KCNIP1: variants seen among roughly 807,000 people sequenced by gnomAD.
The protein encoded by KCNIP1 is potassium voltage-gated channel interacting protein 1.
A neutral mutation model predicts 33.0 loss-of-function variants in KCNIP1; 18 were observed. That is an observed-to-expected ratio of 0.55 (90% CI 0.38 to 0.81). The LOEUF (loss-of-function observed/expected upper bound fraction) is 0.81. KCNIP1 is among the 30% of genes least tolerant of loss of function. The pLI is 0.00. For missense variants in KCNIP1, 238 were observed against 271.6 expected (o/e 0.88, Z 0.87); for synonymous variants, 93 against 98.3 (o/e 0.95, Z 0.32).
intron 1 of KCNIP1, among the ~76,000 whole-genome samples, chr5:170,482,533 G>A (rs1756999982): frequency 6.6e-6 from 1 of 152,152 alleles, no homozygotes; most frequent in African/African-American, 2.4e-5. Flanking sequence ...AGTAACTGAA[G>A]TGATTTCTCT....
At chr5:170,575,150 T>G (rs912460586) in intron 1 of KCNIP1, among the ~76,000 whole-genome samples, 1 of 152,244 alleles carries the variant, frequency 6.6e-6, no homozygotes, top group East Asian at 1.9e-4. Context: ...AACCTCACAT[T>G]AAACTAATGT....
chr5:170,371,256 T>C lies in KCNIP1; in HGVS notation c.88+17292T>C, dbSNP rs1285521315. Among the ~76,000 whole-genome samples the C allele has an allele frequency of 2.0e-5, 3 of 152,134 alleles. No homozygotes were observed. The East Asian group carries it at 5.8e-4, about 29-fold the overall frequency. On this transcript the variant is annotated intron_variant, in intron 1 of 7. Transcript: ENST00000377360. ...CCAGCTGGCCTCGTGGTCCTGTCTGTCTTGGCAGTGCCCACAGCAGAACCT... is the reference window on the plus strand; with the variant it reads ...CCAGCTGGCCTCGTGGTCCTGTCTGCCTTGGCAGTGCCCACAGCAGAACCT...
chr5:170,382,399 C>T (rs1764278383), intron 1 of KCNIP1, among the ~76,000 whole-genome samples: 1 of 152,136 alleles, frequency 6.6e-6, no homozygotes, highest in Admixed American at 6.5e-5. Flanking sequence ...GACATACACA[C>T]TCACATTTTA....
rs1755185791 is a variant in KCNIP1 at position 170,517,675 on chromosome 5, TG to T, written c.61+13043del. Among the ~76,000 whole-genome samples, 3 of 151,448 alleles carry T rather than the reference TG, an allele frequency of 2.0e-5. No individual in the cohort carries two copies. In the South Asian group the frequency reaches 6.3e-4, roughly 32 times the overall value. ...GATGGTGGTATGGTGGTGGTGGTGA[TG>T]ATAGTGACGGTGGTGATGATGGTGA... is the stretch of plus-strand genomic sequence containing the variant. On this transcript the variant is annotated intron_variant, in intron 1 of 7. Coordinates refer to ENST00000328939, the MANE Select transcript of KCNIP1 (RefSeq NM_014592.4).
intron 1 of KCNIP1, among the ~76,000 whole-genome samples, chr5:170,645,045 C>A (rs918477294): frequency 2.0e-4 from 30 of 152,158 alleles, no homozygotes; most frequent in African/African-American, 5.6e-4. Flanking sequence ...AGCATAAGCA[C>A]CCTTGTTGGT....
chr5:170,433,059 TCAATCCAGACACA>T (rs56681939), intron 1 of KCNIP1, among the ~76,000 whole-genome samples: 121 of 152,318 alleles, frequency 7.9e-4, no homozygotes, highest in African/African-American at 2.8e-3. Flanking sequence ...TCCATGGCTC[TCAATCCAGACACA>T]CAATTTGAAC....
chr5:170,507,724 G>A (rs1173122040), intron 1 of KCNIP1, among the ~76,000 whole-genome samples: 4 of 152,190 alleles, frequency 2.6e-5, no homozygotes, highest in African/African-American at 9.7e-5. Context: ...CATGATTAGT[G>A]CTGCAAGAAG....
intron 1 of KCNIP1, among the ~76,000 whole-genome samples, chr5:170,452,459 G>A (rs759287675): frequency 1.3e-5 from 2 of 152,120 alleles, no homozygotes; most frequent in Non-Finnish European, 2.9e-5. Context: ...ATGAGGGCTG[G>A]GGCCTCATAA....
chr5:170,662,576 G>C (rs1056249649), intron 1 of KCNIP1, among the ~76,000 whole-genome samples: 2 of 152,174 alleles, frequency 1.3e-5, no homozygotes, highest in African/African-American at 2.4e-5. Context: ...GAGTGGAGGA[G>C]AGCCAGAAGC....
chr5:170,631,006 G>T (rs1332444714), intron 1 of KCNIP1, among the ~76,000 whole-genome samples: 2 of 152,174 alleles, frequency 1.3e-5, no homozygotes, highest in African/African-American at 4.8e-5. Context: ...AGGAATAAGG[G>T]TACGAGGCTT....
chr5:170,675,711 C>G (rs1762107941), intron 1 of KCNIP1, among the ~76,000 whole-genome samples: 1 of 152,178 alleles, frequency 6.6e-6, no homozygotes, highest in Non-Finnish European at 1.5e-5. Flanking sequence ...CTGTGCAGAG[C>G]CCAGCACAGT....
chr5:170,374,984 G>A (rs1009529382), intron 1 of KCNIP1: 1 of 152,162 alleles, frequency 6.6e-6, no homozygotes, highest in East Asian at 1.9e-4. Flanking sequence ...TTCCCCTGCA[G>A]GGATTGTTTG....
intron 1 of KCNIP1, among the ~76,000 whole-genome samples, chr5:170,669,979 A>G (rs1158632836): frequency 6.6e-6 from 1 of 152,220 alleles, no homozygotes; most frequent in Non-Finnish European, 1.5e-5. Context: ...ATAATGGACC[A>G]ATTAAACCAG....
Position 170,721,220 on chromosome 5 carries a change from C to T in KCNIP1, c.257-613C>T, listed in dbSNP as rs113393390. ...CCTTCCTTGGTGTGTGGGGCCCCTA[C>T]CCAGATCAGGTGGGGGAGGCAGTTT... is the stretch of plus-strand genomic sequence containing the variant. On this transcript the variant is annotated intron_variant, in intron 3 of 7. Coordinates refer to ENST00000328939, the MANE Select transcript of KCNIP1 (RefSeq NM_014592.4). Among the ~76,000 whole-genome samples, 544 of 152,314 alleles carry T rather than the reference C, an allele frequency of 3.6e-3. 1 individual carries two copies. The highest frequency in any genetic ancestry group is 0.012 in the African/African-American group (499 of 41,570).
chr5:170,366,784 G>C (rs992341482), intron 1 of KCNIP1, among the ~76,000 whole-genome samples: 1 of 152,200 alleles, frequency 6.6e-6, no homozygotes, highest in African/African-American at 2.4e-5. Context: ...CCTGGAAGTG[G>C]TGGCCACCCA....
intron 5 of KCNIP1, among the ~76,000 whole-genome samples, chr5:170,729,981 T>G (rs1358835778): frequency 1.3e-5 from 2 of 152,096 alleles, no homozygotes; most frequent in Non-Finnish European, 2.9e-5. Flanking sequence ...ACAGCAGATT[T>G]GTAAAATGAA....
chr5:170,598,756 A>G (rs892026080), intron 1 of KCNIP1, among the ~76,000 whole-genome samples: 1 of 152,110 alleles, frequency 6.6e-6, no homozygotes, highest in African/African-American at 2.4e-5. Flanking sequence ...TCTGCAAGGG[A>G]CCAGTGGACA....
intron 1 of KCNIP1, among the ~76,000 whole-genome samples, chr5:170,630,249 T>C (rs1455962365): frequency 6.6e-6 from 1 of 152,220 alleles, no homozygotes; most frequent in Non-Finnish European, 1.5e-5. Flanking sequence ...AATATTTACT[T>C]AGTGAATAAA....
chr5:170,357,088 T>G (rs190554778), intron 1 of KCNIP1, among the ~76,000 whole-genome samples: 1 of 152,208 alleles, frequency 6.6e-6, no homozygotes, highest in East Asian at 1.9e-4. Flanking sequence ...TTTATTTGTT[T>G]TATTTACTGG....
Sources: allele counts gnomAD v4.1 joint callset (sites outside exome capture counted in the v4.1 genomes callset), GRCh38; gene constraint gnomAD v4.1.1; transcripts MANE v1.5; gene names NCBI Gene and HGNC (gene_info 2026-07-23, HGNC 2026-07-21).